CRB1: variants seen among roughly 807,000 people sequenced by gnomAD.
CRB1 encodes protein crumbs homolog 1.
A neutral mutation model predicts 120.0 loss-of-function variants in CRB1; 83 were observed. That is an observed-to-expected ratio of 0.69 (90% CI 0.58 to 0.83). The LOEUF (loss-of-function observed/expected upper bound fraction) is 0.83, where lower values mean the gene tolerates loss of function less well. Ranked by LOEUF, CRB1 falls within the 40% of genes least tolerant of loss-of-function variation. CRB1 has a pLI of 0.00. For synonymous variants in CRB1, 625 were observed against 612.5 expected (o/e 1.02, Z -0.30); for missense variants, 1,699 against 1,687.6 (o/e 1.01, Z -0.12).
chr1:197,391,826 A>C (rs897455356), intron 5 of CRB1, among the ~76,000 whole-genome samples: 1 of 152,100 alleles, frequency 6.6e-6, no homozygotes, highest in Non-Finnish European at 1.5e-5. Context: ...AGAAGGAAGC[A>C]ACAGACCCTC....
chr1:197,295,417 C>A (rs1399674478), intron 1 of CRB1, among the ~76,000 whole-genome samples: 1 of 151,942 alleles, frequency 6.6e-6, no homozygotes, highest in Non-Finnish European at 1.5e-5. Flanking sequence ...GTGGGATATC[C>A]AGCAGGTTAG....
At chr1:197,321,722 G>A (rs1658207778) in intron 1 of CRB1, among the ~76,000 whole-genome samples, 1 of 152,104 alleles carries the variant, frequency 6.6e-6, no homozygotes, top group Admixed American at 6.6e-5. Context: ...AACACTTTAG[G>A]TTGCATATAG....
the CRB1 span, among the ~76,000 whole-genome samples, chr1:197,255,367 C>T: frequency 1.3e-5 from 2 of 152,078 alleles, no homozygotes; most frequent in Non-Finnish European, 2.9e-5. Flanking sequence ...CATATCTATT[C>T]TCTTGAATTC....
intron 11 of CRB1, among the ~76,000 whole-genome samples, chr1:197,449,706 T>C (rs1665866405): frequency 6.6e-6 from 1 of 152,184 alleles, no homozygotes; most frequent in South Asian, 2.1e-4. Context: ...GTCTCTTAGC[T>C]GAATCAAACT....
chr1:197,213,651 A>C, the CRB1 span, among the ~76,000 whole-genome samples: 1 of 152,174 alleles, frequency 6.6e-6, no homozygotes, highest in Non-Finnish European at 1.5e-5. Context: ...AATCTTTTAA[A>C]ATTTGAAAAG....
chr1:197,288,381 G>A (rs78611756), intron 1 of CRB1, among the ~76,000 whole-genome samples: 234 of 151,902 alleles, frequency 1.5e-3, no homozygotes, highest in African/African-American at 5.4e-3. Context: ...GATTCGATAC[G>A]GTCTTGTGCT....
the CRB1 span, among the ~76,000 whole-genome samples, chr1:197,256,612 T>A: frequency 6.6e-6 from 1 of 152,080 alleles, no homozygotes; most frequent in Non-Finnish European, 1.5e-5. Flanking sequence ...TAAAGCTACG[T>A]GGCATGAAAT....
chr1:197,222,416 T>C, the CRB1 span: 1 of 768,110 alleles, frequency 1.3e-6, no homozygotes, highest in Admixed American at 1.7e-5. Context: ...GTGACCTATT[T>C]CATCGTCCTC....
At chr1:197,344,590 CT>C in intron 3 of CRB1, 114 bp downstream of exon 3, 1 of 938,396 alleles carries the variant, frequency 1.1e-6, no homozygotes, top group African/African-American at 1.6e-5. Flanking sequence ...TGGGGTGTAA[CT>C]TTATACTTTA....
chr1:197,340,729 T>C (rs1659404280), intron 2 of CRB1, among the ~76,000 whole-genome samples: 1 of 152,038 alleles, frequency 6.6e-6, no homozygotes, highest in Non-Finnish European at 1.5e-5. Flanking sequence ...ATAATACCAT[T>C]CACTGAGAGG....
At chr1:197,252,535 A>ATT in the CRB1 span, among the ~76,000 whole-genome samples, 8 of 50,726 alleles carry the variant, frequency 1.6e-4, no homozygotes, top group East Asian at 6.3e-3. Context: ...AAGCCAATAG[A>ATT]TTTTATATAT....
chr1:197,230,055 A>C, the CRB1 span, among the ~76,000 whole-genome samples: 1 of 152,194 alleles, frequency 6.6e-6, no homozygotes, highest in East Asian at 1.9e-4. Context: ...GTATTAAGTC[A>C]TTTCATCCTC....
At chr1:197,351,045 G>C (rs550729015) in intron 4 of CRB1, among the ~76,000 whole-genome samples, 29 of 151,996 alleles carry the variant, frequency 1.9e-4, no homozygotes, top group Admixed American at 3.9e-4. Flanking sequence ...GGCACCCATA[G>C]AAAAGAGCAT....
At chr1:197,276,454 T>A (rs1163148471) in intron 1 of CRB1, among the ~76,000 whole-genome samples, 2 of 151,852 alleles carry the variant, frequency 1.3e-5, no homozygotes, top group Non-Finnish European at 2.9e-5. Flanking sequence ...TGTTCTAGGC[T>A]CCAAGGGTAC....
intron 2 of CRB1, 74 bp downstream of exon 2, chr1:197,329,077 T>A (rs559503708): frequency 1.5e-6 from 2 of 1,299,746 alleles, no homozygotes; most frequent in African/African-American, 2.9e-5. Context: ...AGGTGACATT[T>A]TATTTTTCAC....
At chr1:197,303,451 G>T (rs1381863440) in intron 1 of CRB1, among the ~76,000 whole-genome samples, 2 of 151,738 alleles carry the variant, frequency 1.3e-5, no homozygotes, top group African/African-American at 4.8e-5. Context: ...AAGTAAAGGA[G>T]ATATTACTAG....
chr1:197,308,075 G>GTA (rs76696884), intron 1 of CRB1, among the ~76,000 whole-genome samples: 4 of 151,954 alleles, frequency 2.6e-5, no homozygotes, highest in East Asian at 3.9e-4. Context: ...AATAAAATGG[G>GTA]TATATATATA....
chr1:197,265,259 C>A (rs60546128), upstream of CRB1, among the ~76,000 whole-genome samples: 3,708 of 152,004 alleles, frequency 0.024, 138 homozygotes, highest in African/African-American at 0.083. Flanking sequence ...CTACTCTTTT[C>A]TTTATTTCCT....
chr1:197,283,119 A>T (rs1309923820), intron 1 of CRB1, among the ~76,000 whole-genome samples: 2 of 147,640 alleles, frequency 1.4e-5, no homozygotes, highest in Non-Finnish European at 1.5e-5. Flanking sequence ...AAATAAAAAA[A>T]ATAAAAATAA....
Sources: gnomAD v4.1 joint callset for allele counts (sites outside exome capture counted in the v4.1 genomes callset) on GRCh38, gnomAD v4.1.1 for gene constraint, MANE v1.5 for transcripts, NCBI Gene and HGNC (gene_info 2026-07-23, HGNC 2026-07-21) for gene names.